The following COL20A1 variants were observed in gnomAD, a reference collection of about 807,000 sequenced individuals.
The protein encoded by COL20A1 is collagen alpha-1(XX) chain.
A neutral mutation model predicts 152.9 loss-of-function variants in COL20A1; 164 were observed. The observed-to-expected ratio is 1.07, with a 90% CI of 0.94 to 1.22. The LOEUF (loss-of-function observed/expected upper bound fraction) is 1.22, where lower values mean the gene tolerates loss of function less well. Among genes scored for constraint, COL20A1 ranks in the 50% most tolerant of loss-of-function variants. The probability of loss-of-function intolerance (pLI) is 0.00; values close to 1 mark genes in which losing one functional copy is unlikely to be tolerated. For missense variants in COL20A1, 1,873 were observed against 1,744.8 expected, an observed-to-expected ratio of 1.07 and a Z score of -1.31; for synonymous variants, 864 against 756.0, an observed-to-expected ratio of 1.14 and a Z score of -2.34.
At position 63,328,369 on chromosome 20, in the gene COL20A1, AG is replaced by A; in HGVS notation, c.3654del (p.Arg1218SerfsTer195). On this transcript the variant is annotated frameshift_variant, in exon 34 of 36. Transcript: ENST00000358894. LOFTEE classifies it high-confidence loss of function. ...GTTCGACTCCTTCCACGAGAACACC[AG>A]GCCCCCCATGCCCATCTTGGAGCAG... ...SKFDSFHENTRPPMPILEQKL... is the reference protein window; with the variant it reads ...SKFDSFHENTXPPMPILEQKL... 3 of 1,612,616 alleles carry A rather than the reference AG, an allele frequency of 1.9e-6. No homozygotes were observed. In the African/African-American group the frequency reaches 4.0e-5, roughly 21 times the overall value.
chr20:63,329,709 G>A, intron 35 of COL20A1, 48 bp downstream of exon 35: 1 of 1,367,584 alleles, frequency 7.3e-7, no homozygotes, highest in Non-Finnish European at 9.9e-7. Flanking sequence ...AGGGCATCCA[G>A]GAAGGAGGAG....
At chr20:63,324,822 T>C (rs1358027576) in intron 27 of COL20A1, 1 of 163,358 alleles carries the variant, frequency 6.1e-6, no homozygotes, top group Admixed American at 5.8e-5. Flanking sequence ...AGCAGTGTCC[T>C]CTGCCCCACA....
chr20:63,308,265 G>A (rs2067956427), intron 7 of COL20A1, among the ~76,000 whole-genome samples, 175 bp downstream of exon 7: 1 of 152,202 alleles, frequency 6.6e-6, no homozygotes, highest in Non-Finnish European at 1.5e-5. Flanking sequence ...GAAAACGAGG[G>A]CCTGTGTCCA....
intron 3 of COL20A1, among the ~76,000 whole-genome samples, chr20:63,303,525 T>C (rs2067883764): frequency 6.6e-6 from 1 of 152,210 alleles, no homozygotes; most frequent in Non-Finnish European, 1.5e-5. Flanking sequence ...TTCCTATCTA[T>C]AAAATGGGTG....
chr20:63,302,667 C>T (rs1412308141), intron 3 of COL20A1, among the ~76,000 whole-genome samples: 1 of 152,186 alleles, frequency 6.6e-6, no homozygotes, highest in Non-Finnish European at 1.5e-5. Flanking sequence ...GGGGTGTGAA[C>T]AGAGTCTACA....
At chr20:63,295,804 C>T (rs745315996) in intron 2 of COL20A1, among the ~76,000 whole-genome samples, 61 of 152,258 alleles carry the variant, frequency 4.0e-4, no homozygotes, top group Non-Finnish European at 7.6e-4. Flanking sequence ...TTTAGATTGA[C>T]TCTAGGAAGG....
Position 63,328,319 on chromosome 20 carries a change from T to A in COL20A1, c.3614-12T>A. 1 of 1,604,944 alleles carries A rather than the reference T, an allele frequency of 6.2e-7. No individual in the cohort carries two copies. The highest frequency in any genetic ancestry group is 8.5e-7 in the Non-Finnish European group (1 of 1,175,026). Reference sequence around the variant, plus strand: ...CCCCACTGTGTCCTGCTGACACCCCTCCTCCCCACAGCACACGTGTCAAAG... The same window carrying A: ...CCCCACTGTGTCCTGCTGACACCCCACCTCCCCACAGCACACGTGTCAAAG... On this transcript the variant is annotated splice_polypyrimidine_tract_variant and intron_variant, in intron 33 of 35. Coordinates refer to ENST00000358894, the MANE Select transcript of COL20A1 (RefSeq NM_020882.4).
intron 31 of COL20A1, 41 bp from the exon 32 acceptor site, chr20:63,327,911 G>C: frequency 1.9e-6 from 3 of 1,566,282 alleles, no homozygotes; most frequent in Non-Finnish European, 2.6e-6. Flanking sequence ...GTGGTCTCAG[G>C]CCATCTCTGC....
intron 27 of COL20A1, 62 bp from the exon 28 acceptor site, chr20:63,325,379 T>TTCCCTGCCC: frequency 7.6e-7 from 1 of 1,309,728 alleles, no homozygotes; most frequent in African/African-American, 1.4e-5. Flanking sequence ...GTGTCACTCC[T>TTCCCTGCCC]TCCCTGCCCT....
intron 28 of COL20A1, 79 bp from the exon 29 acceptor site, chr20:63,325,589 G>A: frequency 5.8e-6 from 9 of 1,551,888 alleles, no homozygotes; most frequent in African/African-American, 1.4e-5. Flanking sequence ...ACAGGGGTTG[G>A]GGGTGAGGCC....
intron 2 of COL20A1, 65 bp downstream of exon 2, chr20:63,295,254 C>A: frequency 1.9e-6 from 2 of 1,080,048 alleles, no homozygotes; most frequent in Non-Finnish European, 2.7e-6. Flanking sequence ...AGTGCCCACG[C>A]GGGACGAGCC....
chr20:63,320,694 G>A (rs936448788), intron 25 of COL20A1, among the ~76,000 whole-genome samples: 2 of 149,928 alleles, frequency 1.3e-5, no homozygotes, highest in East Asian at 3.9e-4. Context: ...TGACTCCTCT[G>A]TATACCCTGT....
Position 63,313,832 on chromosome 20 carries a change from C to T in COL20A1, c.2299C>T (p.Arg767Cys), listed in dbSNP as rs757072294. 5.6e-6 allele frequency: 9 copies of T among 1,611,324 alleles called. No individual in the cohort carries two copies. The East Asian group carries it at 6.7e-5, about 12-fold the overall frequency. The change falls in exon 18 of 36, where the codon CGC (arginine) becomes TGC (cysteine). Residue 767 changes from arginine (R) to cysteine (C), a missense_variant. Arg to Cys is a radical substitution (Grantham distance 180). Coordinates refer to ENST00000358894, the MANE Select transcript of COL20A1 (RefSeq NM_020882.4). The surrounding 1 kb of genome is among the most constrained non-coding windows in gnomAD (Gnocchi z 5.9). ...LQVSWTPPLG[R>C]VLHYWLTYAP... ...GGTCAGCTGGACGCCCCCGCTTGGC[C>T]GCGTGCTCCATTACTGGCTCACCTA...
In COL20A1 at chr20:63,297,785, C is replaced by T. The variant is rs1006199053; in HGVS notation, c.83-125C>T. The T allele has an allele frequency of 7.0e-5, 49 of 702,424 alleles. 1 individual carries two copies. The highest frequency in any genetic ancestry group is 2.4e-4 in the Middle Eastern group (1 of 4,112). 43.5% of individuals were successfully genotyped at this position (702,424 alleles called of 1,614,324 possible). A position where few individuals can be genotyped will look rare whatever the true frequency, so the allele number is the denominator to read the frequency against. On this transcript the variant is annotated intron_variant, in intron 2 of 35. Transcript: ENST00000358894. Reference sequence around the variant, plus strand: ...CACCCTGGGTGGGCTTCTGTCTCTTCGGGGTCCCCCGGGATAGGACTGTGT... The same window carrying T: ...CACCCTGGGTGGGCTTCTGTCTCTTTGGGGTCCCCCGGGATAGGACTGTGT...
intron 8 of COL20A1, 68 bp from the exon 9 acceptor site, chr20:63,309,265 C>A (rs1240721054): frequency 7.9e-7 from 1 of 1,268,874 alleles, no homozygotes; most frequent in Non-Finnish European, 1.0e-6. Flanking sequence ...CCATGGAGAC[C>A]CCCACCGCAG....
chr20:63,315,419 G>T lies in COL20A1; in HGVS notation c.2504G>T (p.Arg835Leu). The T allele has an allele frequency of 1.3e-6, 2 of 1,578,328 alleles. No homozygotes were observed. Reference protein sequence around the residue: ...ATGQTACPALRPDGSLPGFDL... With the variant: ...ATGQTACPALLPDGSLPGFDL... Reference sequence around the variant, plus strand: ...CTCTCAGCAGCCTGCCCAGCCCTCCGCCCTGACGGCTCCCTCCCAGGTGGG... The same window carrying T: ...CTCTCAGCAGCCTGCCCAGCCCTCCTCCCTGACGGCTCCCTCCCAGGTGGG... Residue 835 changes from arginine to leucine, a missense_variant, in exon 20 of 36, where the codon CGC (arginine) becomes CTC (leucine). Transcript: ENST00000358894.
intron 2 of COL20A1, 61 bp from the exon 3 acceptor site, chr20:63,297,849 C>T: frequency 1.5e-5 from 20 of 1,323,364 alleles, no homozygotes; most frequent in Non-Finnish European, 2.1e-5. Context: ...TGTACCCCCA[C>T]AGCTGATTAG....
chr20:63,310,232 G>A (rs1458730261), intron 10 of COL20A1, 149 bp from the exon 11 acceptor site: 13 of 812,940 alleles, frequency 1.6e-5, no homozygotes, highest in Non-Finnish European at 2.5e-5. Flanking sequence ...GCACTGCTCT[G>A]TCGTAGGTAC....
At chr20:63,318,785 T>C (rs1052061808) in intron 21 of COL20A1, among the ~76,000 whole-genome samples, 4 of 152,108 alleles carry the variant, frequency 2.6e-5, no homozygotes, top group Non-Finnish European at 5.9e-5. Context: ...ATGTACCCCA[T>C]GTTACTCATG....
Sources: allele counts gnomAD v4.1 joint callset (sites outside exome capture counted in the v4.1 genomes callset), GRCh38; gene constraint gnomAD v4.1.1; non-coding constraint Gnocchi (gnomAD v3.1); transcripts MANE v1.5; gene names NCBI Gene and HGNC (gene_info 2026-07-23, HGNC 2026-07-21).